The following ADAM32 variants were observed in gnomAD, a reference collection of about 807,000 sequenced individuals.
The protein encoded by ADAM32 is disintegrin and metalloproteinase domain-containing protein 32.
ADAM32 carries 89 observed loss-of-function variants against 114.9 expected under a neutral mutation model. The ratio of observed to expected loss-of-function variants is 0.77; its 90% CI spans 0.65 to 0.92. The LOEUF is 0.92. Among genes scored for constraint, ADAM32 ranks in the 40% least tolerant of loss-of-function variants. The pLI is 0.00. For synonymous variants in ADAM32, 285 were observed against 307.5 expected, an observed-to-expected ratio of 0.93 and a Z score of 0.77; for missense variants, 870 against 932.8, an observed-to-expected ratio of 0.93 and a Z score of 0.88.
At chr8:39,137,805 T>C (rs1217742458) in intron 3 of ADAM32, among the ~76,000 whole-genome samples, 1 of 150,370 alleles carries the variant, frequency 6.7e-6, no homozygotes, top group Non-Finnish European at 1.5e-5. Flanking sequence ...AAGTGGTTTA[T>C]TGTGTGTAAG....
intron 11 of ADAM32, among the ~76,000 whole-genome samples, chr8:39,203,905 G>A (rs1045814928): frequency 1.3e-5 from 2 of 152,088 alleles, no homozygotes; most frequent in Admixed American, 1.3e-4. Flanking sequence ...TAGTTTGGCT[G>A]GATATGAAAT....
At position 39,167,552 on chromosome 8, in the gene ADAM32, T is replaced by A. The variant is rs534440770; in HGVS notation, c.833+2356T>A. Reference sequence around the variant, plus strand: ...CTGTTTTTAGGTTCCATATGAATTTTAGAATTTTTTTTCTAATTCTGTGAA... The same window carrying A: ...CTGTTTTTAGGTTCCATATGAATTTAAGAATTTTTTTTCTAATTCTGTGAA... On this transcript the variant is annotated intron_variant, in intron 9 of 24. Coordinates refer to ENST00000379907, the MANE Select transcript of ADAM32 (RefSeq NM_145004.7). 7.2e-5 allele frequency: 11 copies of A among 152,334 alleles called. No homozygotes were observed. In the South Asian group the frequency reaches 2.1e-3, roughly 29 times the overall value. The allele number at this position is 152,334 out of a possible 1,614,324, so 9.4% of individuals were successfully genotyped here. A position where few individuals can be genotyped will look rare whatever the true frequency, so the allele number is the denominator to read the frequency against.
chr8:39,218,219 G>A (rs995671645), intron 12 of ADAM32, among the ~76,000 whole-genome samples: 12 of 152,160 alleles, frequency 7.9e-5, no homozygotes, highest in Admixed American at 7.9e-4. Flanking sequence ...TCAAACAAAT[G>A]GAATTTCTCT....
At chr8:39,244,666 C>T (rs1400323108) in intron 16 of ADAM32, among the ~76,000 whole-genome samples, 1 of 151,934 alleles carries the variant, frequency 6.6e-6, no homozygotes, top group African/African-American at 2.4e-5. Context: ...TGTCAAAGAC[C>T]AGGAAGGGGA....
At position 39,151,543 on chromosome 8, in the gene ADAM32, G is replaced by T. The variant is rs1235199220; in HGVS notation, c.520G>T (p.Glu174Ter). The T allele has an allele frequency of 1.3e-6, 2 of 1,554,988 alleles. No homozygotes were observed. Among genetic ancestry groups the T allele is most frequent in the East Asian group, 2.3e-5 (1 of 42,732 alleles). ...QPMDDNIFIS[E>*]KSEPAVPDLF... ...AATGGATGACAACATTTTTATAAGT[G>T]AAAAAGTGAGTTGTATATGTTTTAT... Residue 174 changes from glutamate to a stop codon, truncating the protein, a stop_gained, in exon 6 of 25, where the codon GAA (glutamate) becomes TAA (stop). Transcript: ENST00000379907. LOFTEE classifies it high-confidence loss of function.
chr8:39,135,359 C>T (rs760256446), intron 2 of ADAM32, among the ~76,000 whole-genome samples: 2 of 151,936 alleles, frequency 1.3e-5, no homozygotes, highest in Non-Finnish European at 2.9e-5. Flanking sequence ...TTTGTTTTCT[C>T]GATTTATGTC....
At chr8:39,277,558 C>T (rs1055772980) in intron 22 of ADAM32, among the ~76,000 whole-genome samples, 2 of 152,216 alleles carry the variant, frequency 1.3e-5, no homozygotes, top group Non-Finnish European at 2.9e-5. Context: ...TACTCAGCCT[C>T]CTGACTCCTC....
At chr8:39,250,724 T>C (rs1001843689) in intron 17 of ADAM32, among the ~76,000 whole-genome samples, 3 of 152,000 alleles carry the variant, frequency 2.0e-5, no homozygotes, top group African/African-American at 7.2e-5. Context: ...TACAATAGGT[T>C]ATTTTAAACT....
chr8:39,205,887 T>C (rs7015898), intron 11 of ADAM32, among the ~76,000 whole-genome samples: 22,049 of 152,228 alleles, frequency 0.14, 1,790 homozygotes, highest in Middle Eastern at 0.26. Context: ...TTTCTTTTTG[T>C]TTTGGCTCTG....
At chr8:39,164,063 A>G (rs1804680615) in intron 7 of ADAM32, among the ~76,000 whole-genome samples, 1 of 152,196 alleles carries the variant, frequency 6.6e-6, no homozygotes, top group African/African-American at 2.4e-5. Flanking sequence ...GTAGCCTTCC[A>G]TAACCATTGC....
Position 39,107,735 on chromosome 8 carries a change from A to C in ADAM32, c.-41A>C. On this transcript the variant is annotated 5_prime_UTR_variant, in exon 1 of 25. Transcript: ENST00000379907. ...GTCCCCGCGTCCCTGGCAATTCCCG[A>C]CTTCCCAACGGCTTCCCGCTGGCAG... 1 of 1,549,990 alleles carries C rather than the reference A, an allele frequency of 6.5e-7. No individual in the cohort carries two copies.
chr8:39,239,018 C>A (rs907782099), intron 16 of ADAM32, among the ~76,000 whole-genome samples: 2 of 152,128 alleles, frequency 1.3e-5, no homozygotes, highest in African/African-American at 4.8e-5. Flanking sequence ...TCAAGGAGAA[C>A]TTCCCTGGCC....
At chr8:39,244,295 A>G (rs1229804384) in intron 16 of ADAM32, among the ~76,000 whole-genome samples, 2 of 152,218 alleles carry the variant, frequency 1.3e-5, no homozygotes, top group South Asian at 2.1e-4. Flanking sequence ...ACCAAAAAAG[A>G]GCTGCATGGG....
intron 10 of ADAM32, among the ~76,000 whole-genome samples, chr8:39,176,238 C>T (rs978921516): frequency 2.6e-5 from 4 of 151,870 alleles, no homozygotes; most frequent in African/African-American, 7.3e-5. Context: ...CTTTGGGGTT[C>T]GGTTACTCTT....
intron 19 of ADAM32, among the ~76,000 whole-genome samples, chr8:39,266,580 G>T (rs1812373000): frequency 6.6e-6 from 1 of 152,000 alleles, no homozygotes; most frequent in East Asian, 1.9e-4. Flanking sequence ...TGTGTTCCTT[G>T]GCTTGAGTTT....
intron 11 of ADAM32, among the ~76,000 whole-genome samples, chr8:39,201,092 G>T (rs1320864941): frequency 6.6e-6 from 1 of 152,138 alleles, no homozygotes; most frequent in Non-Finnish European, 1.5e-5. Flanking sequence ...GCTTAAGATT[G>T]ACTTGGCAAT....
chr8:39,119,247 G>A (rs1840500635), intron 2 of ADAM32, among the ~76,000 whole-genome samples: 1 of 152,118 alleles, frequency 6.6e-6, no homozygotes, highest in Non-Finnish European at 1.5e-5. Flanking sequence ...AAATTGCTGG[G>A]CACATGATAA....
intron 2 of ADAM32, among the ~76,000 whole-genome samples, chr8:39,124,861 C>T (rs1242356753): frequency 6.6e-6 from 1 of 151,904 alleles, no homozygotes; most frequent in Non-Finnish European, 1.5e-5. Context: ...GGTTATATAC[C>T]CAGTAAAGGG....
At position 39,147,205 on chromosome 8, in the gene ADAM32, G is replaced by T. The variant is rs1258291242; in HGVS notation, c.276G>T (p.Gln92His). ...GSMNTYSSDI[Q>H]TQCYYQGNIE... is the part of the protein sequence containing the mutation. ...TGAATACTTATTCTTCAGATATTCA[G>T]GTAAGATTTAAATTCTGTGTTTTAT... is the stretch of plus-strand genomic sequence containing the variant. The change falls in exon 4 of 25, where the codon CAG (glutamine) becomes CAT (histidine). Residue 92 changes from glutamine (Q) to histidine (H), a missense_variant and splice_region_variant. Gln to His is a conservative substitution (Grantham distance 24). Coordinates refer to ENST00000379907, the MANE Select transcript of ADAM32 (RefSeq NM_145004.7). The T allele has an allele frequency of 4.0e-6, 4 of 997,108 alleles. No homozygotes were observed. The highest frequency in any genetic ancestry group is 4.1e-5 in the Admixed American group (1 of 24,560). 61.8% of individuals were successfully genotyped at this position (997,108 alleles called of 1,614,324 possible).
Sources: gnomAD v4.1 joint callset for allele counts (sites outside exome capture counted in the v4.1 genomes callset) on GRCh38, gnomAD v4.1.1 for gene constraint, MANE v1.5 for transcripts, NCBI Gene and HGNC (gene_info 2026-07-23, HGNC 2026-07-21) for gene names.